Variants in HS2ST1 observed in about 807,000 individuals in gnomAD.
HS2ST1 encodes 2-O-sulfotransferase.
In HS2ST1, 18 loss-of-function variants were observed where a neutral mutation model predicts 42.9. That is an observed-to-expected ratio of 0.42 (90% CI 0.29 to 0.62). The LOEUF (loss-of-function observed/expected upper bound fraction) is 0.62, where lower values mean the gene tolerates loss of function less well. Ranked by LOEUF, HS2ST1 falls within the 20% of genes least tolerant of loss-of-function variation. HS2ST1 has a pLI of 0.21. For missense variants in HS2ST1, 334 were observed against 433.8 expected, an observed-to-expected ratio of 0.77 and a Z score of 2.04; for synonymous variants, 146 against 152.9, an observed-to-expected ratio of 0.95 and a Z score of 0.33.
At chr1:87,086,562 G>A (rs778960301) in intron 3 of HS2ST1, among the ~76,000 whole-genome samples, 4 of 151,762 alleles carry the variant, frequency 2.6e-5, no homozygotes, top group Non-Finnish European at 4.4e-5. Context: ...ACATTAAAAC[G>A]AATGTAAGCC....
chr1:87,051,911 A>T (rs1468229954), intron 1 of HS2ST1, among the ~76,000 whole-genome samples: 1 of 152,234 alleles, frequency 6.6e-6, no homozygotes, highest in Admixed American at 6.5e-5. Context: ...ATACAAATTC[A>T]ACTGAAAAGC....
At position 86,985,505 on chromosome 1, in the gene HS2ST1, TAC is replaced by T. The variant is rs372539784; in HGVS notation, c.124+70349_124+70350del. Among the ~76,000 whole-genome samples, 113 of 71,698 alleles carry T rather than the reference TAC, an allele frequency of 1.6e-3. 3 individuals carry two copies. Among genetic ancestry groups the T allele is most frequent in the African/African-American group, 4.8e-3 (108 of 22,574 alleles). 47.0% of individuals were successfully genotyped at this position (71,698 alleles called of 152,430 possible). A position where few individuals can be genotyped will look rare whatever the true frequency, so the allele number is the denominator to read the frequency against. ...ATATACACATATATATACACATATA[TAC>T]ACATATATATACACATATATATACA... On this transcript the variant is annotated intron_variant, in intron 1 of 6. Coordinates refer to ENST00000370550, the MANE Select transcript of HS2ST1 (RefSeq NM_012262.4).
At chr1:86,981,363 C>T (rs1648586364) in intron 1 of HS2ST1, among the ~76,000 whole-genome samples, 2 of 152,160 alleles carry the variant, frequency 1.3e-5, no homozygotes, top group Admixed American at 1.3e-4. Context: ...CATACCTTCC[C>T]AACAGTACCC....
intron 1 of HS2ST1, among the ~76,000 whole-genome samples, chr1:86,971,776 G>C (rs2102210042): frequency 6.6e-6 from 1 of 152,152 alleles, no homozygotes. Context: ...TGCAACAAGA[G>C]GTTATAATGT....
intron 1 of HS2ST1, among the ~76,000 whole-genome samples, chr1:87,000,415 G>A (rs1360513061): frequency 6.6e-6 from 1 of 152,170 alleles, no homozygotes; most frequent in Non-Finnish European, 1.5e-5. Context: ...CAAAAAGTAT[G>A]TAGAACATAT....
At chr1:86,919,587 A>G (rs1296340985) in intron 1 of HS2ST1, among the ~76,000 whole-genome samples, 1 of 152,070 alleles carries the variant, frequency 6.6e-6, no homozygotes, top group Non-Finnish European at 1.5e-5. Context: ...TTTGGATGCT[A>G]TTTTCCATTA....
chr1:87,032,909 T>C (rs1401321807), intron 1 of HS2ST1, among the ~76,000 whole-genome samples: 1 of 152,214 alleles, frequency 6.6e-6, no homozygotes, highest in Non-Finnish European at 1.5e-5. Flanking sequence ...AGACCATGTG[T>C]GATTACTGTC....
At chr1:87,011,103 G>T (rs181286841) in intron 1 of HS2ST1, among the ~76,000 whole-genome samples, 46 of 151,434 alleles carry the variant, frequency 3.0e-4, no homozygotes, top group Admixed American at 7.2e-4. Context: ...ATTTCTTATA[G>T]AAAAATATTC....
chr1:86,932,339 C>G (rs1660561609), intron 1 of HS2ST1: 2 of 151,964 alleles, frequency 1.3e-5, no homozygotes, highest in East Asian at 1.9e-4. Context: ...TTAAAGGGTA[C>G]AAACATGCAG....
At chr1:86,982,312 A>G (rs185836315) in intron 1 of HS2ST1, among the ~76,000 whole-genome samples, 6 of 152,306 alleles carry the variant, frequency 3.9e-5, no homozygotes, top group Admixed American at 3.3e-4. Context: ...TGTCTTGGCC[A>G]TTAAATTTGG....
chr1:86,914,962 C>A lies in HS2ST1; in HGVS notation c.-75C>A. ...CTCGCTCCCGGCTCGGCGGGCTCCTCCCGGCGTCTCTCTCGCCTCCGGGGT... is the reference window on the plus strand; with the variant it reads ...CTCGCTCCCGGCTCGGCGGGCTCCTACCGGCGTCTCTCTCGCCTCCGGGGT... On this transcript the variant is annotated 5_prime_UTR_variant, in exon 1 of 7. Coordinates refer to ENST00000370550, the MANE Select transcript of HS2ST1 (RefSeq NM_012262.4). The A allele has an allele frequency of 6.3e-7, 1 of 1,582,800 alleles. No individual in the cohort carries two copies. The highest frequency in any genetic ancestry group is 1.7e-5 in the Admixed American group (1 of 58,216).
At chr1:87,069,619 ATTT>A (rs141237625) in intron 1 of HS2ST1, among the ~76,000 whole-genome samples, 3,718 of 152,254 alleles carry the variant, frequency 0.024, 47 homozygotes, top group South Asian at 0.057. Context: ...TTTTCCATAC[ATTT>A]TTTATCTTTT....
At chr1:87,088,482 T>G (rs1651865767) in intron 3 of HS2ST1, among the ~76,000 whole-genome samples, 1 of 152,122 alleles carries the variant, frequency 6.6e-6, no homozygotes, top group South Asian at 2.1e-4. Context: ...ATATTGAGGT[T>G]GTTTATGGCT....
At chr1:86,969,797 A>C (rs986201533) in intron 1 of HS2ST1, among the ~76,000 whole-genome samples, 2 of 151,938 alleles carry the variant, frequency 1.3e-5, no homozygotes, top group South Asian at 2.1e-4. Flanking sequence ...TTGTTTACTG[A>C]TAAGACTGAG....
chr1:87,034,105 A>T (rs1012776114), intron 1 of HS2ST1, among the ~76,000 whole-genome samples: 4 of 152,238 alleles, frequency 2.6e-5, no homozygotes, highest in African/African-American at 9.6e-5. Flanking sequence ...AAGTCTAAAA[A>T]ATAAGTAGAC....
chr1:86,919,388 G>T (rs1172013227), intron 1 of HS2ST1, among the ~76,000 whole-genome samples: 1 of 152,174 alleles, frequency 6.6e-6, no homozygotes, highest in Non-Finnish European at 1.5e-5. Flanking sequence ...GACTTACCCA[G>T]AGCCAGGATT....
intron 2 of HS2ST1, among the ~76,000 whole-genome samples, chr1:87,075,866 T>C (rs1350727720): frequency 6.6e-6 from 1 of 152,202 alleles, no homozygotes; most frequent in Admixed American, 6.5e-5. Flanking sequence ...GAAATAGTTG[T>C]CAACTCTGCT....
chr1:86,973,624 T>G (rs181710584), intron 1 of HS2ST1, among the ~76,000 whole-genome samples: 3 of 152,144 alleles, frequency 2.0e-5, no homozygotes, highest in Admixed American at 2.0e-4. Context: ...GAGTGGGAAG[T>G]TGACCCAAAG....
chr1:87,042,051 G>C (rs1650536596), intron 1 of HS2ST1, among the ~76,000 whole-genome samples: 1 of 151,970 alleles, frequency 6.6e-6, no homozygotes, highest in African/African-American at 2.4e-5. Flanking sequence ...ATTATTGTTT[G>C]GATATGCATT....
Sources: gnomAD v4.1 joint callset for allele counts (sites outside exome capture counted in the v4.1 genomes callset) on GRCh38, gnomAD v4.1.1 for gene constraint, MANE v1.5 for transcripts, NCBI Gene and HGNC (gene_info 2026-07-23, HGNC 2026-07-21) for gene names.